Variants in CAMTA1 observed in about 807,000 individuals in gnomAD.
The protein encoded by CAMTA1 is calmodulin binding transcription activator 1, also known as calmodulin-binding transcription activator 1.
In CAMTA1, 27 loss-of-function variants were observed where a neutral mutation model predicts 170.9. The ratio of observed to expected loss-of-function variants is 0.16; its 90% CI spans 0.12 to 0.22. The LOEUF is 0.22. Among genes scored for constraint, CAMTA1 ranks in the 10% least tolerant of loss-of-function variants. The pLI, the probability that CAMTA1 is intolerant of heterozygous loss-of-function variation, is 1.00. For missense variants in CAMTA1, 1,619 were observed against 2,217.2 expected, an observed-to-expected ratio of 0.73 and a Z score of 5.42; for synonymous variants, 833 against 891.5, an observed-to-expected ratio of 0.93 and a Z score of 1.17.
chr1:7,506,005 G>C (rs1040787168), intron 6 of CAMTA1, among the ~76,000 whole-genome samples: 2 of 152,178 alleles, frequency 1.3e-5, no homozygotes, highest in Non-Finnish European at 2.9e-5. Context: ...AGAAGCCAGT[G>C]GAAGGGGAGG....
At chr1:6,949,007 T>G (rs1404288734) in intron 3 of CAMTA1, among the ~76,000 whole-genome samples, 1 of 152,220 alleles carries the variant, frequency 6.6e-6, no homozygotes, top group African/African-American at 2.4e-5. Context: ...TGGGATAATC[T>G]TCCAGGGAAA....
At position 7,517,267 on chromosome 1, in the gene CAMTA1, A is replaced by C. The variant is rs749382029; in HGVS notation, c.510+49366A>C. Among the ~76,000 whole-genome samples, 25 of 152,068 alleles carry C rather than the reference A, an allele frequency of 1.6e-4. 1 individual carries two copies. Among genetic ancestry groups the C allele is most frequent in the Admixed American group, 6.6e-5 (1 of 15,262 alleles). On this transcript the variant is annotated intron_variant, in intron 6 of 22. Coordinates refer to ENST00000303635, the MANE Select transcript of CAMTA1 (RefSeq NM_015215.4). ...CAGGATCCTTCTAATTATCCTTTTC[A>C]TGTTGGTCTGGTTATACCCTTGGGA... is the stretch of plus-strand genomic sequence containing the variant.
At chr1:7,516,919 A>G (rs1193172) in intron 6 of CAMTA1, among the ~76,000 whole-genome samples, 76,978 of 151,982 alleles carry the variant, frequency 0.51, 21,022 homozygotes, top group Non-Finnish European at 0.62. Context: ...AAAATAATCC[A>G]TGCCCATGTT....
rs1003149164 is a variant in CAMTA1, at chr1:7,592,690, T to C, written c.511-47710T>C. 6.6e-6 allele frequency among the ~76,000 whole-genome samples: 1 copy of C among 152,106 alleles called. No individual in the cohort carries two copies. Among genetic ancestry groups the C allele is most frequent in the Non-Finnish European group, 1.5e-5 (1 of 68,016 alleles). On this transcript the variant is annotated intron_variant, in intron 6 of 22. Transcript: ENST00000303635. The surrounding 1 kb of genome is among the most constrained non-coding windows in gnomAD (Gnocchi z 4.6). ...GGCTTTGGGTCAGGTCGGAAGCTTG[T>C]CTGTGCCCTGAACATAGGACACACA... is the stretch of plus-strand genomic sequence containing the variant.
intron 11 of CAMTA1, among the ~76,000 whole-genome samples, chr1:7,710,952 A>C (rs2096566234): frequency 6.6e-6 from 1 of 152,148 alleles, no homozygotes; most frequent in African/African-American, 2.4e-5. Flanking sequence ...TGGTCCTCTC[A>C]TTCATAAGGC....
At chr1:7,749,002 CAG>C (rs1399673081) in intron 19 of CAMTA1, among the ~76,000 whole-genome samples, 1 of 152,054 alleles carries the variant, frequency 6.6e-6, no homozygotes, top group Non-Finnish European at 1.5e-5. Context: ...AGCTGAAGCT[CAG>C]AGAAATTACA....
intron 7 of CAMTA1, among the ~76,000 whole-genome samples, chr1:7,644,528 C>T (rs1216934436): frequency 1.3e-5 from 2 of 152,152 alleles, no homozygotes. Flanking sequence ...GGTCAGGGAT[C>T]GGCCACCCTG....
chr1:7,611,630 T>C (rs905884175), intron 6 of CAMTA1, among the ~76,000 whole-genome samples: 1 of 151,986 alleles, frequency 6.6e-6, no homozygotes. Context: ...CCAACAAGAG[T>C]CTGACAAGAG....
At chr1:7,679,962 C>T (rs530254561) in intron 11 of CAMTA1, among the ~76,000 whole-genome samples, 2 of 152,198 alleles carry the variant, frequency 1.3e-5, no homozygotes, top group Non-Finnish European at 2.9e-5. Flanking sequence ...TGGGGAGAAG[C>T]GGGTCTTCCC....
chr1:7,108,605 A>AC (rs1259997284), intron 4 of CAMTA1, among the ~76,000 whole-genome samples: 1 of 152,218 alleles, frequency 6.6e-6, no homozygotes, highest in East Asian at 1.9e-4. Context: ...AGTCCACATC[A>AC]CAGCATTCAA....
At chr1:7,530,525 C>G (rs2094478725) in intron 6 of CAMTA1, among the ~76,000 whole-genome samples, 1 of 152,054 alleles carries the variant, frequency 6.6e-6, no homozygotes, top group South Asian at 2.1e-4. Flanking sequence ...GGTATCCTCC[C>G]AGCAGTCCCG....
chr1:7,414,280 G>A (rs2090998553), intron 5 of CAMTA1, among the ~76,000 whole-genome samples: 1 of 152,200 alleles, frequency 6.6e-6, no homozygotes, highest in Admixed American at 6.5e-5. Context: ...CATAAAATGA[G>A]TTAGGGAGGA....
intron 19 of CAMTA1, chr1:7,750,913 C>CT (rs1357936247): frequency 1.8e-6 from 1 of 543,146 alleles, no homozygotes; most frequent in Non-Finnish European, 3.4e-6. Flanking sequence ...TCATAAACGT[C>CT]TAAGGGTATT....
chr1:7,242,100 C>T (rs1025201121), intron 4 of CAMTA1, among the ~76,000 whole-genome samples: 1 of 152,064 alleles, frequency 6.6e-6, no homozygotes, highest in African/African-American at 2.4e-5. Flanking sequence ...GCTCTTAAAA[C>T]TCAAAAAACA....
rs369735875 is a variant in CAMTA1 at position 7,262,746 on chromosome 1, C to T, written c.438+13120C>T. Among the ~76,000 whole-genome samples, 307 of 152,258 alleles carry T rather than the reference C, an allele frequency of 2.0e-3. 1 individual carries two copies. Among genetic ancestry groups the T allele is most frequent in the African/African-American group, 6.6e-3 (274 of 41,546 alleles). ...GGCGATGCCATTTCTTGTTGTTGCC[C>T]AGGTTGCTTCTGTCACACCAGCACC... On this transcript the variant is annotated intron_variant, in intron 5 of 22. Coordinates refer to ENST00000303635, the MANE Select transcript of CAMTA1 (RefSeq NM_015215.4).
At chr1:6,794,103 A>G (rs957694266) in intron 1 of CAMTA1, among the ~76,000 whole-genome samples, 4 of 152,252 alleles carry the variant, frequency 2.6e-5, no homozygotes, top group African/African-American at 9.6e-5. Flanking sequence ...TGGAATGTTG[A>G]TAGGGTTATT....
At chr1:6,916,513 C>G (rs1397945131) in intron 3 of CAMTA1, among the ~76,000 whole-genome samples, 1 of 152,214 alleles carries the variant, frequency 6.6e-6, no homozygotes, top group Non-Finnish European at 1.5e-5. Context: ...CAAATCAATT[C>G]TCTCTCCTTC....
rs181588039 is a variant in CAMTA1, at chr1:7,052,429, C to A, written c.235-38875C>A. 1.5e-3 allele frequency among the ~76,000 whole-genome samples: 224 copies of A among 152,272 alleles called. 1 individual carries two copies. The highest frequency in any genetic ancestry group is 5.3e-3 in the African/African-American group (219 of 41,552). ...AGGTTCCAGAAGCCCATTCAGACTA[C>A]CTGGCCTTCTCTGCCCACTCCTCCC... On this transcript the variant is annotated intron_variant, in intron 3 of 22. Coordinates refer to ENST00000303635, the MANE Select transcript of CAMTA1 (RefSeq NM_015215.4).
At chr1:7,024,359 T>C (rs1460454946) in intron 3 of CAMTA1, among the ~76,000 whole-genome samples, 1 of 152,086 alleles carries the variant, frequency 6.6e-6, no homozygotes, top group Admixed American at 6.5e-5. Context: ...GATAAAGAGA[T>C]ACCTTAAAAA....
Sources: gnomAD v4.1 joint callset for allele counts (sites outside exome capture counted in the v4.1 genomes callset) on GRCh38, gnomAD v4.1.1 for gene constraint, Gnocchi (gnomAD v3.1) non-coding constraint, MANE v1.5 for transcripts, NCBI Gene and HGNC (gene_info 2026-07-23, HGNC 2026-07-21) for gene names.